The following PPFIBP2 variants were observed in gnomAD, a reference collection of about 807,000 sequenced individuals.
The protein encoded by PPFIBP2 is PPFIB scaffold protein 2.
PPFIBP2 carries 118 observed loss-of-function variants against 118.3 expected under a neutral mutation model. That is an observed-to-expected ratio of 1.00 (90% confidence interval 0.86 to 1.16). The LOEUF (loss-of-function observed/expected upper bound fraction) is 1.16. PPFIBP2 is among the 50% of genes most tolerant of loss of function. The probability of loss-of-function intolerance (pLI) is 0.00; values close to 1 mark genes in which losing one functional copy is unlikely to be tolerated. For synonymous variants in PPFIBP2, 414 were observed against 397.4 expected (o/e 1.04, Z -0.50); for missense variants, 1,195 against 1,073.1 (o/e 1.11, Z -1.59).
chr11:7,519,869 G>C (rs557424277), intron 1 of PPFIBP2, among the ~76,000 whole-genome samples: 34 of 152,254 alleles, frequency 2.2e-4, no homozygotes, highest in Middle Eastern at 6.8e-3. Context: ...AAAAGAGGCC[G>C]AGCACGTTTT....
chr11:7,564,540 A>G (rs1854729548), intron 2 of PPFIBP2, among the ~76,000 whole-genome samples: 1 of 152,248 alleles, frequency 6.6e-6, no homozygotes, highest in South Asian at 2.1e-4. Context: ...AAATGAATAC[A>G]GTAATTGTCA....
rs1404486004 is a variant in PPFIBP2, at chr11:7,602,032, G to T, written c.486+4359G>T. Among the ~76,000 whole-genome samples the T allele has an allele frequency of 4.1e-5, 6 of 145,020 alleles. No individual in the cohort carries two copies. In the East Asian group the frequency reaches 1.0e-3, roughly 25 times the overall value. ...CGCTGGAACCCGAGAGACGGAGGTT[G>T]CAGTGAGCCAAGATCACGCCATTGC... On this transcript the variant is annotated intron_variant, in intron 5 of 23. Coordinates refer to ENST00000299492, the MANE Select transcript of PPFIBP2 (RefSeq NM_003621.5).
Position 7,565,706 on chromosome 11 carries a change from T to C in PPFIBP2, c.218T>C (p.Leu73Pro), listed in dbSNP as rs376728724. ...MLELPQERAA[L>P]LSQIPGPTAA... is the part of the protein sequence containing the mutation. ...GAGCTTCCTCAGGAGAGAGCAGCCC[T>C]CCTGAGCCAGATCCCTGGCCCAACA... The change falls in exon 3 of 24, where the codon CTC (leucine) becomes CCC (proline). Residue 73 changes from leucine to proline, a missense_variant. Transcript: ENST00000299492. 6.2e-7 allele frequency: 1 copy of C among 1,614,142 alleles called. No homozygotes were observed. The highest frequency in any genetic ancestry group is 1.3e-5 in the African/African-American group (1 of 75,038).
At chr11:7,652,959 T>C in intron 23 of PPFIBP2, 65 bp from the exon 24 acceptor site, 3 of 1,494,420 alleles carry the variant, frequency 2.0e-6, no homozygotes, top group Non-Finnish European at 2.7e-6. Context: ...TTTAAGTATA[T>C]TGTCAGTCAT....
chr11:7,630,219 C>T (rs1417857359), intron 10 of PPFIBP2, among the ~76,000 whole-genome samples: 2 of 151,588 alleles, frequency 1.3e-5, no homozygotes, highest in Non-Finnish European at 3.0e-5. Flanking sequence ...TCTGGCTGAG[C>T]TTCTGCTGCT....
At chr11:7,649,269 C>G (rs760916668) in intron 20 of PPFIBP2, 34 bp downstream of exon 20, 2 of 1,561,210 alleles carry the variant, frequency 1.3e-6, no homozygotes, top group Non-Finnish European at 1.8e-6. Context: ...TTCAGTTGTC[C>G]CTGTGAGCAC....
downstream of PPFIBP2, among the ~76,000 whole-genome samples, chr11:7,661,846 A>T (rs1338533921): frequency 9.2e-6 from 1 of 108,280 alleles, no homozygotes; most frequent in Non-Finnish European, 2.1e-5. Context: ...TTGGGTGCAT[A>T]TATATTTAGG....
chr11:7,618,301 T>C (rs977064981), intron 6 of PPFIBP2, among the ~76,000 whole-genome samples: 3 of 152,116 alleles, frequency 2.0e-5, no homozygotes, highest in Admixed American at 2.0e-4. Context: ...AGCAAGACTT[T>C]TAAAGGAAGG....
intron 14 of PPFIBP2, among the ~76,000 whole-genome samples, chr11:7,637,723 C>G (rs1851633232): frequency 6.6e-6 from 1 of 152,250 alleles, no homozygotes; most frequent in East Asian, 1.9e-4. Context: ...TGACATTGCA[C>G]TGCCTTCCAC....
chr11:7,579,548 C>G (rs1856950650), intron 3 of PPFIBP2, among the ~76,000 whole-genome samples: 1 of 152,168 alleles, frequency 6.6e-6, no homozygotes, highest in South Asian at 2.1e-4. Context: ...AGCTTTTAAT[C>G]AAGAAATCCT....
At chr11:7,597,405 G>C in intron 4 of PPFIBP2, 155 bp from the exon 5 acceptor site, 1 of 1,539,072 alleles carries the variant, frequency 6.5e-7, no homozygotes, top group Non-Finnish European at 8.7e-7. Context: ...CCTTCGTTCA[G>C]GACACTTCCT....
chr11:7,565,362 C>T (rs1854843740), intron 2 of PPFIBP2, among the ~76,000 whole-genome samples, 191 bp from the exon 3 acceptor site: 1 of 152,216 alleles, frequency 6.6e-6, no homozygotes, highest in African/African-American at 2.4e-5. Context: ...CCTGGAACTC[C>T]TAGACTCAAG....
intron 3 of PPFIBP2, among the ~76,000 whole-genome samples, chr11:7,591,381 C>T (rs1859272793): frequency 6.6e-6 from 1 of 151,416 alleles, no homozygotes; most frequent in Admixed American, 6.6e-5. Flanking sequence ...CACCTGGGTC[C>T]TGTTTAATTC....
At chr11:7,623,933 A>G (rs1849653667) in intron 7 of PPFIBP2, among the ~76,000 whole-genome samples, 1 of 152,234 alleles carries the variant, frequency 6.6e-6, no homozygotes, top group Non-Finnish European at 1.5e-5. Flanking sequence ...AAACTGCTCC[A>G]TAGCTGCATG....
At chr11:7,607,110 C>T (rs112501678) in intron 5 of PPFIBP2, among the ~76,000 whole-genome samples, 2,305 of 150,906 alleles carry the variant, frequency 0.015, 62 homozygotes, top group African/African-American at 0.054. Context: ...CGGGGTTTCA[C>T]CATGTTCGTC....
At chr11:7,520,934 A>C (rs1849702696) in intron 1 of PPFIBP2, among the ~76,000 whole-genome samples, 1 of 152,182 alleles carries the variant, frequency 6.6e-6, no homozygotes, top group Non-Finnish European at 1.5e-5. Context: ...TTGACTGTGG[A>C]TCTTCACAAG....
chr11:7,570,698 G>A (rs1054627280), intron 3 of PPFIBP2, among the ~76,000 whole-genome samples: 2 of 152,284 alleles, frequency 1.3e-5, no homozygotes. Flanking sequence ...AAGAGTCCTG[G>A]TCAGTGTGCT....
At chr11:7,569,345 A>G (rs563380940) in intron 3 of PPFIBP2, among the ~76,000 whole-genome samples, 3 of 152,350 alleles carry the variant, frequency 2.0e-5, no homozygotes, top group East Asian at 3.9e-4. Context: ...CTAAAGCCCA[A>G]GTGGAGCAGA....
At chr11:7,565,902 G>C in intron 3 of PPFIBP2, 135 bp downstream of exon 3, 2 of 947,126 alleles carry the variant, frequency 2.1e-6, no homozygotes, top group Non-Finnish European at 3.1e-6. Flanking sequence ...TTTGGCCAAC[G>C]CTGCAGGGTG....
Sources: gnomAD v4.1 joint callset for allele counts (sites outside exome capture counted in the v4.1 genomes callset) on GRCh38, gnomAD v4.1.1 for gene constraint, MANE v1.5 for transcripts, NCBI Gene and HGNC (gene_info 2026-07-23, HGNC 2026-07-21) for gene names.